SAMD7: variants seen among roughly 807,000 people sequenced by gnomAD.
SAMD7 encodes sterile alpha motif domain containing 7.
SAMD7 carries 34 observed loss-of-function variants against 36.7 expected under a neutral mutation model. That is an observed-to-expected ratio of 0.93 (90% CI 0.71 to 1.23). The LOEUF (loss-of-function observed/expected upper bound fraction) is 1.23, where lower values mean the gene tolerates loss of function less well. Ranked by LOEUF, SAMD7 falls within the 50% of genes most tolerant of loss-of-function variation. SAMD7 has a pLI of 0.00. For missense variants in SAMD7, 570 were observed against 546.6 expected (o/e 1.04, Z -0.43); for synonymous variants, 188 against 189.7 (o/e 0.99, Z 0.07).
intron 3 of SAMD7, among the ~76,000 whole-genome samples, 171 bp from the exon 4 acceptor site, chr3:169,921,043 T>G (rs1250600691): frequency 6.6e-6 from 1 of 152,236 alleles, no homozygotes; most frequent in Non-Finnish European, 1.5e-5. Flanking sequence ...TCCCGATCTT[T>G]CCACCATATT....
At position 169,938,370 on chromosome 3, in the gene SAMD7, T is replaced by C. The variant is rs776205466; in HGVS notation, c.1205T>C (p.Ile402Thr). The C allele has an allele frequency of 1.9e-6, 3 of 1,612,812 alleles. No individual in the cohort carries two copies. The highest frequency in any genetic ancestry group is 1.7e-5 in the Admixed American group (1 of 59,996). ...MFYKKTLSFP[I>T]RQAFDQPADT... is the part of the protein sequence containing the mutation. Reference sequence around the variant, plus strand: ...TACAAGAAAACTCTTTCATTTCCTATAAGACAAGCATTTGATCAACCAGCA... The same window carrying C: ...TACAAGAAAACTCTTTCATTTCCTACAAGACAAGCATTTGATCAACCAGCA... Residue 402 changes from isoleucine (I) to threonine (T), a missense_variant, in exon 9 of 9, where the codon ATA becomes ACA. Ile to Thr is a moderately conservative substitution (Grantham distance 89, BLOSUM62 -1). Transcript: ENST00000335556.
At chr3:169,919,690 A>G (rs943698034) in intron 3 of SAMD7, 106 bp downstream of exon 3, 3 of 941,960 alleles carry the variant, frequency 3.2e-6, no homozygotes, top group Non-Finnish European at 5.2e-6. Context: ...ATATTATTTC[A>G]GTGAACTGTG....
intron 5 of SAMD7, chr3:169,926,328 A>T: frequency 7.3e-7 from 1 of 1,373,258 alleles, no homozygotes; most frequent in Non-Finnish European, 9.6e-7. Flanking sequence ...GTTTAAAGGT[A>T]ACACTCTAAA....
At chr3:169,937,666 C>G (rs1484729749) in intron 8 of SAMD7, among the ~76,000 whole-genome samples, 1 of 152,144 alleles carries the variant, frequency 6.6e-6, no homozygotes, top group East Asian at 1.9e-4. Flanking sequence ...CACTGATGGG[C>G]ATTTGGGTTG....
chr3:169,937,833 A>G (rs555490671), intron 8 of SAMD7, among the ~76,000 whole-genome samples: 26 of 152,302 alleles, frequency 1.7e-4, no homozygotes, highest in African/African-American at 5.8e-4. Context: ...GAAATCATGC[A>G]TTGGCCTTCT....
intron 7 of SAMD7, chr3:169,932,618 C>T (rs1273978998): frequency 1.3e-5 from 7 of 525,776 alleles, no homozygotes; most frequent in East Asian, 9.4e-5. Flanking sequence ...TTATTACTAC[C>T]GAGAAACAGA....
intron 2 of SAMD7, among the ~76,000 whole-genome samples, chr3:169,916,149 C>G (rs1712789535): frequency 6.6e-6 from 1 of 152,146 alleles, no homozygotes. Flanking sequence ...GGACATTATG[C>G]TAAGTGAAAA....
In SAMD7 at chr3:169,926,670, C is replaced by G. The variant is rs769617451; in HGVS notation, c.408C>G (p.Pro136=). The G allele has an allele frequency of 1.2e-6, 2 of 1,613,996 alleles. No individual in the cohort carries two copies. The highest frequency in any genetic ancestry group is 1.1e-5 in the South Asian group (1 of 91,060). ...FLYGSSVPAA[P]AAYHGRSMLP... The stretch of plus-strand genomic sequence containing the variant: ...ATGGCTCCAGTGTCCCAGCTGCCCC[C>G]GCTGCCTACCATGGCAGGAGCATGC... Residue 136 remains proline, a synonymous_variant, in exon 6 of 9, where the codon CCC becomes CCG. Transcript: ENST00000335556.
intron 3 of SAMD7, among the ~76,000 whole-genome samples, 177 bp from the exon 4 acceptor site, chr3:169,921,037 G>C (rs1448216322): frequency 6.6e-6 from 1 of 152,036 alleles, no homozygotes; most frequent in Non-Finnish European, 1.5e-5. Context: ...AGTACTTCCC[G>C]ATCTTTCCAC....
intron 1 of SAMD7, among the ~76,000 whole-genome samples, chr3:169,913,650 C>T (rs1712689559): frequency 6.6e-6 from 1 of 152,206 alleles, no homozygotes; most frequent in Non-Finnish European, 1.5e-5. Flanking sequence ...CACTCCCTCA[C>T]TTTGGGATTA....
intron 4 of SAMD7, among the ~76,000 whole-genome samples, chr3:169,923,042 C>T (rs753422085): frequency 5.3e-5 from 8 of 152,078 alleles, no homozygotes; most frequent in Admixed American, 1.3e-4. Flanking sequence ...GTGAGAATTT[C>T]CTCAAAATGT....
intron 7 of SAMD7, among the ~76,000 whole-genome samples, chr3:169,933,815 G>C (rs571438405): frequency 2.6e-5 from 4 of 152,204 alleles, no homozygotes; most frequent in Admixed American, 6.5e-5. Context: ...GGGCACCAGT[G>C]AGTGATCCCA....
chr3:169,926,005 G>T (rs1370494834), intron 5 of SAMD7, among the ~76,000 whole-genome samples: 3 of 152,150 alleles, frequency 2.0e-5, no homozygotes, highest in Admixed American at 6.5e-5. Context: ...AATGAATAGG[G>T]TATGGCCCCA....
Position 169,936,306 on chromosome 3 carries a change from C to T in SAMD7, c.1042-33C>T, listed in dbSNP as rs373264783. The T allele has an allele frequency of 6.0e-5, 80 of 1,334,540 alleles. No individual in the cohort carries two copies. In the South Asian group the frequency reaches 7.5e-4, roughly 13 times the overall value. 82.7% of individuals were successfully genotyped at this position (1,334,540 alleles called of 1,614,324 possible). A position where few individuals can be genotyped will look rare whatever the true frequency, so the allele number is the denominator to read the frequency against. On this transcript the variant is annotated intron_variant, in intron 7 of 8. Transcript: ENST00000335556. ...AAGAACTTTTTCAAAAAAAGACATT[C>T]AGACAGAGTTAACACCTTTTGTATT...
chr3:169,920,905 G>A (rs182180849), intron 3 of SAMD7, among the ~76,000 whole-genome samples: 10 of 152,210 alleles, frequency 6.6e-5, no homozygotes, highest in African/African-American at 2.2e-4. Flanking sequence ...ACAGTAGACT[G>A]TTGGTCATGA....
In SAMD7 at chr3:169,938,405, C is replaced by T. The variant is rs765178959; in HGVS notation, c.1240C>T (p.Pro414Ser). 3 of 1,608,740 alleles carry T rather than the reference C, an allele frequency of 1.9e-6. No homozygotes were observed. The highest frequency in any genetic ancestry group is 2.6e-6 in the Non-Finnish European group (3 of 1,175,076). ...ATTTGATCAACCAGCAGATACATCC[C>T]CTCTTCTGGATCCTAATTCCTGGAG... Reference protein sequence around the residue: ...QAFDQPADTSPLLDPNSWSDT... With the variant: ...QAFDQPADTSSLLDPNSWSDT... Residue 414 changes from proline to serine, a missense_variant, in exon 9 of 9, where the codon CCT becomes TCT. By Grantham distance (74) the Pro-to-Ser change is moderately conservative. Coordinates refer to ENST00000335556, the MANE Select transcript of SAMD7 (RefSeq NM_001304366.2).
intron 2 of SAMD7, among the ~76,000 whole-genome samples, chr3:169,918,062 C>T (rs1299861): frequency 1.3e-5 from 2 of 152,058 alleles, no homozygotes; most frequent in Non-Finnish European, 2.9e-5. Flanking sequence ...CTCAGCCTCC[C>T]GAGTAGCTGG....
intron 2 of SAMD7, among the ~76,000 whole-genome samples, chr3:169,917,026 T>C (rs1158755894): frequency 2.6e-5 from 4 of 152,198 alleles, no homozygotes; most frequent in Non-Finnish European, 5.9e-5. Flanking sequence ...AACTAAACTC[T>C]CTGAGGCCAC....
chr3:169,925,114 A>G lies in SAMD7; in HGVS notation c.268A>G (p.Ile90Val). ...IKAVARRNEM[I>V]QRHHTARTEM... ...GGCAGTGGCCAGAAGGAATGAAATG[A>G]TTCAACGGCATCATACTGCCAGGTA... The change falls in exon 5 of 9, where the codon ATT becomes GTT. Residue 90 changes from isoleucine to valine, a missense_variant. Physicochemically the swap from Ile to Val is conservative, Grantham distance 29 (BLOSUM62 3). Coordinates refer to ENST00000335556, the MANE Select transcript of SAMD7 (RefSeq NM_001304366.2). 1.2e-6 allele frequency: 2 copies of G among 1,610,554 alleles called. No individual in the cohort carries two copies. Among genetic ancestry groups the G allele is most frequent in the Non-Finnish European group, 1.7e-6 (2 of 1,178,124 alleles).
Sources: gnomAD v4.1 joint callset for allele counts (sites outside exome capture counted in the v4.1 genomes callset) on GRCh38, gnomAD v4.1.1 for gene constraint, MANE v1.5 for transcripts, NCBI Gene and HGNC (gene_info 2026-07-23, HGNC 2026-07-21) for gene names.